PCDHA6: variants seen among roughly 807,000 people sequenced by gnomAD.
PCDHA6 encodes protocadherin alpha 6.
Under a neutral mutation model 60.3 loss-of-function variants are expected in PCDHA6, and 55 were observed. The ratio of observed to expected loss-of-function variants is 0.91; its 90% CI spans 0.73 to 1.14. The LOEUF is 1.14. PCDHA6 is among the 50% of genes most tolerant of loss of function. The pLI, the probability that PCDHA6 is intolerant of heterozygous loss-of-function variation, is 0.00. For synonymous variants in PCDHA6, 652 were observed against 557.9 expected (o/e 1.17, Z -2.38); for missense variants, 1,327 against 1,256.5 (o/e 1.06, Z -0.85).
Position 140,834,177 on chromosome 5 carries a change from C to G in PCDHA6, c.2394+3692C>G, listed in dbSNP as rs2150214084. ...TTTGTAATTCTTACTTACATGATGG[C>G]CACATGATGTCGCTCTTTACCGCAA... On this transcript the variant is annotated intron_variant, in intron 1 of 3. Transcript: ENST00000529310. 2.9e-5 allele frequency: 16 copies of G among 556,922 alleles called. No individual in the cohort carries two copies. The East Asian group carries it at 4.6e-4, about 16-fold the overall frequency. 34.5% of individuals were successfully genotyped at this position (556,922 alleles called of 1,614,324 possible). A position where few individuals can be genotyped will look rare whatever the true frequency, so the allele number is the denominator to read the frequency against.
At chr5:140,869,722 G>C in intron 1 of PCDHA6, 6 of 1,613,324 alleles carry the variant, frequency 3.7e-6, no homozygotes, top group Non-Finnish European at 5.1e-6. Context: ...GAAAACTCCG[G>C]AACTTAATTT....
intron 1 of PCDHA6, chr5:140,877,428 G>A: frequency 6.2e-7 from 1 of 1,613,886 alleles, no homozygotes; most frequent in Non-Finnish European, 8.5e-7. Flanking sequence ...TGCTGGTGAA[G>A]GACCACGGTG....
chr5:140,870,480 C>T, intron 1 of PCDHA6: 1 of 1,614,236 alleles, frequency 6.2e-7, no homozygotes, highest in Non-Finnish European at 8.5e-7. Context: ...AGCCCGAGTA[C>T]ACCGTGTTCG....
rs782074950 is a variant in PCDHA6, at chr5:140,851,878, A to G, written c.2394+21393A>G. On this transcript the variant is annotated intron_variant, in intron 1 of 3. Transcript: ENST00000529310. ...AGCTCATACATAACACAAGGCAGAA[A>G]TCTGGATATGAGATTTGCCTCTTTA... is the stretch of plus-strand genomic sequence containing the variant. 6.1e-6 allele frequency: 6 copies of G among 977,806 alleles called. 1 individual carries two copies. The highest frequency in any genetic ancestry group is 7.4e-6 in the Non-Finnish European group (6 of 810,298). The allele number at this position is 977,806 out of a possible 1,614,324, so 60.6% of individuals were successfully genotyped here.
intron 1 of PCDHA6, among the ~76,000 whole-genome samples, chr5:140,946,015 G>A (rs246056): frequency 0.57 from 86,078 of 151,518 alleles, 25,094 homozygotes; most frequent in African/African-American, 0.71. Context: ...AAGCTCCTGC[G>A]CAGCAAAGAA....
Position 140,884,585 on chromosome 5 carries a change from A to G in PCDHA6, c.2394+54100A>G, listed in dbSNP as rs2060279044. 1.9e-6 allele frequency: 3 copies of G among 1,614,072 alleles called. No individual in the cohort carries two copies. The South Asian group carries it at 3.3e-5, about 18-fold the overall frequency. On this transcript the variant is annotated intron_variant, in intron 1 of 3. Coordinates refer to ENST00000529310, the MANE Select transcript of PCDHA6 (RefSeq NM_018909.4). ...GCATAAGACGGACCTCATGGCCTTC[A>G]GTCCCAGCCTTCCTCCTTGTCTGGG...
intron 1 of PCDHA6, chr5:140,868,028 G>A (rs1380913243): frequency 2.0e-5 from 3 of 152,006 alleles, no homozygotes; most frequent in Non-Finnish European, 4.4e-5. Flanking sequence ...ACCAATGTTG[G>A]TGACTTGGAA....
At chr5:140,944,003 C>T (rs1185007409) in intron 1 of PCDHA6, among the ~76,000 whole-genome samples, 1 of 152,038 alleles carries the variant, frequency 6.6e-6, no homozygotes, top group Admixed American at 6.6e-5. Flanking sequence ...CTACTGAGTA[C>T]CCCCCAAAAG....
intron 1 of PCDHA6, chr5:140,842,531 T>G: frequency 6.2e-7 from 1 of 1,613,052 alleles, no homozygotes; most frequent in Non-Finnish European, 8.5e-7. Flanking sequence ...CTTCAAGAAT[T>G]ACTACTCGTT....
intron 1 of PCDHA6, among the ~76,000 whole-genome samples, chr5:140,891,369 A>G (rs13168533): frequency 0.051 from 7,710 of 152,068 alleles, 281 homozygotes; most frequent in Non-Finnish European, 0.073. Context: ...AGCAGTATAC[A>G]TTGCACCATA....
rs528840085 is a variant in PCDHA6 at position 140,876,225 on chromosome 5, GT to G, written c.2394+45741del. 8.8e-5 allele frequency: 142 copies of G among 1,613,982 alleles called. No homozygotes were observed. The African/African-American group carries it at 1.7e-3, about 20-fold the overall frequency. The stretch of plus-strand genomic sequence containing the variant: ...ATAAGCCCAGCTATAAAGTAGTGTT[GT>G]CTGAAAATGTCCAAAACGACACAAG... On this transcript the variant is annotated intron_variant, in intron 1 of 3. Coordinates refer to ENST00000529310, the MANE Select transcript of PCDHA6 (RefSeq NM_018909.4).
intron 1 of PCDHA6, among the ~76,000 whole-genome samples, chr5:140,874,280 C>CA (rs1218640311): frequency 6.6e-6 from 1 of 152,146 alleles, no homozygotes; most frequent in Non-Finnish European, 1.5e-5. Context: ...AATAGACTTA[C>CA]AAAATCTATG....
intron 1 of PCDHA6, chr5:140,836,819 C>A: frequency 1.8e-6 from 2 of 1,113,460 alleles, no homozygotes; most frequent in East Asian, 2.5e-5. Flanking sequence ...TTCATAATTT[C>A]TTTTTTAGTT....
chr5:140,885,207 T>C (rs1405388039), intron 1 of PCDHA6, among the ~76,000 whole-genome samples: 1 of 152,140 alleles, frequency 6.6e-6, no homozygotes, highest in Admixed American at 6.5e-5. Context: ...ATATATCCCA[T>C]GAAAAATATC....
intron 1 of PCDHA6, among the ~76,000 whole-genome samples, chr5:140,954,191 G>C (rs201162017): frequency 2.0e-5 from 3 of 152,150 alleles, no homozygotes; most frequent in Non-Finnish European, 4.4e-5. Flanking sequence ...TCATTGATGG[G>C]CATTTGGGTT....
intron 3 of PCDHA6, among the ~76,000 whole-genome samples, chr5:141,007,033 T>C (rs1357363669): frequency 6.6e-6 from 1 of 152,120 alleles, no homozygotes; most frequent in Non-Finnish European, 1.5e-5. Flanking sequence ...GGTATTTATA[T>C]CTATGGATAT....
In PCDHA6 at chr5:140,857,194, A is replaced by G. The variant is rs187713139; in HGVS notation, c.2394+26709A>G. On this transcript the variant is annotated intron_variant, in intron 1 of 3. Transcript: ENST00000529310. ...CTGACCATGATTCAGGAGCCAACGG[A>G]CAGGTCACCTGCTCTCTGACGCCTC... 4 of 1,598,542 alleles carry G rather than the reference A, an allele frequency of 2.5e-6. 1 individual carries two copies. The highest frequency in any genetic ancestry group is 1.3e-5 in the African/African-American group (1 of 74,440).
chr5:140,871,692 C>A, intron 1 of PCDHA6: 2 of 997,190 alleles, frequency 2.0e-6, no homozygotes, highest in Non-Finnish European at 2.9e-6. Flanking sequence ...AATCTGGCTT[C>A]TTTAACCAAT....
At chr5:140,922,715 G>A (rs1221596173) in intron 1 of PCDHA6, among the ~76,000 whole-genome samples, 1 of 152,038 alleles carries the variant, frequency 6.6e-6, no homozygotes, top group East Asian at 1.9e-4. Flanking sequence ...AGAACAAAAA[G>A]AAACACTTGA....
Sources: gnomAD v4.1 joint callset for allele counts (sites outside exome capture counted in the v4.1 genomes callset) on GRCh38, gnomAD v4.1.1 for gene constraint, MANE v1.5 for transcripts, NCBI Gene and HGNC (gene_info 2026-07-23, HGNC 2026-07-21) for gene names.